The following FHOD3 variants were observed in gnomAD, a reference collection of about 807,000 sequenced individuals.
FHOD3 encodes the protein FH1/FH2 domain-containing protein 3.
Under a neutral mutation model 173.0 loss-of-function variants are expected in FHOD3, and 90 were observed. The observed-to-expected ratio is 0.52, with a 90% confidence interval of 0.44 to 0.62. The LOEUF (loss-of-function observed/expected upper bound fraction) is 0.62. Ranked by LOEUF, FHOD3 falls within the 20% of genes least tolerant of loss-of-function variation. The probability of loss-of-function intolerance (pLI) is 0.00; values close to 1 mark genes in which losing one functional copy is unlikely to be tolerated. For missense variants in FHOD3, 1,945 were observed against 2,034.7 expected (o/e 0.96, Z 0.85); for synonymous variants, 828 against 823.0 (o/e 1.01, Z -0.10).
intron 3 of FHOD3, among the ~76,000 whole-genome samples, chr18:36,485,287 C>T (rs1488720545): frequency 4.6e-5 from 7 of 152,216 alleles, no homozygotes; most frequent in African/African-American, 1.7e-4. Flanking sequence ...ATGGTATGCT[C>T]TTTTCCTTGT....
At position 36,693,406 on chromosome 18, in the gene FHOD3, C is replaced by T; in HGVS notation, c.2219C>T (p.Thr740Ile). The T allele has an allele frequency of 6.2e-7, 1 of 1,613,722 alleles. No homozygotes were observed. The highest frequency in any genetic ancestry group is 1.1e-5 in the South Asian group (1 of 91,000). The change falls in exon 17 of 29, where the codon ACC (threonine) becomes ATC (isoleucine). Residue 740 changes from threonine to isoleucine, a missense_variant. Physicochemically the swap from Thr to Ile is moderately conservative, Grantham distance 89. Transcript: ENST00000590592. ...ACGGTGTCTGCCTCCTCCCCAGGAACCCCTCACCATCCCCAAGGTGAGTAC... is the reference window on the plus strand; with the variant it reads ...ACGGTGTCTGCCTCCTCCCCAGGAATCCCTCACCATCCCCAAGGTGAGTAC... ...ALTVSASSPGTPHHPQASAGD... is the reference protein window; with the variant it reads ...ALTVSASSPGIPHHPQASAGD...
chr18:36,409,786 A>T (rs1301172840), intron 3 of FHOD3, among the ~76,000 whole-genome samples: 1 of 152,184 alleles, frequency 6.6e-6, no homozygotes, highest in Non-Finnish European at 1.5e-5. Flanking sequence ...CTCTGGCAGC[A>T]CAGTGGCAGC....
At chr18:36,703,195 C>T (rs2039684095) in intron 17 of FHOD3, among the ~76,000 whole-genome samples, 2 of 152,086 alleles carry the variant, frequency 1.3e-5, no homozygotes, top group African/African-American at 4.8e-5. Context: ...AGGAGAGAGA[C>T]CAAGGGACAG....
intron 1 of FHOD3, among the ~76,000 whole-genome samples, chr18:36,336,808 A>G (rs1030132724): frequency 2.5e-5 from 3 of 121,428 alleles, no homozygotes. Context: ...AGATTGTGCC[A>G]TTGCACTCCA....
intron 16 of FHOD3, among the ~76,000 whole-genome samples, chr18:36,688,004 C>A (rs941292596): frequency 2.6e-5 from 4 of 152,174 alleles, no homozygotes; most frequent in Admixed American, 2.6e-4. Context: ...AATATTCGAA[C>A]CAGCCTAGGT....
intron 3 of FHOD3, among the ~76,000 whole-genome samples, chr18:36,482,932 G>A (rs1417170707): frequency 6.6e-6 from 1 of 150,852 alleles, no homozygotes; most frequent in Non-Finnish European, 1.5e-5. Flanking sequence ...GGTTTACAAT[G>A]CATGACTCAA....
chr18:36,327,319 A>G (rs2044721583), intron 1 of FHOD3, among the ~76,000 whole-genome samples: 1 of 152,222 alleles, frequency 6.6e-6, no homozygotes, highest in Non-Finnish European at 1.5e-5. Flanking sequence ...TGGCATCTAG[A>G]TGATGCTTGG....
At chr18:36,683,868 C>T (rs545477399) in intron 15 of FHOD3, among the ~76,000 whole-genome samples, 1 of 152,286 alleles carries the variant, frequency 6.6e-6, no homozygotes, top group South Asian at 2.1e-4. Flanking sequence ...CTTTGCTCTC[C>T]TCCTGCTATA....
chr18:36,544,936 T>C (rs746367311), intron 5 of FHOD3, among the ~76,000 whole-genome samples: 1 of 152,240 alleles, frequency 6.6e-6, no homozygotes, highest in Non-Finnish European at 1.5e-5. Flanking sequence ...ATTAAAATCC[T>C]GGGAAAATTA....
intron 6 of FHOD3, among the ~76,000 whole-genome samples, chr18:36,592,223 AAAAT>A (rs1212183233): frequency 1.1e-4 from 17 of 152,212 alleles, no homozygotes; most frequent in Non-Finnish European, 2.2e-4. Context: ...CATCTCAAAA[AAAAT>A]AAATAAATCA....
At chr18:36,411,871 T>C (rs1454913578) in intron 3 of FHOD3, among the ~76,000 whole-genome samples, 2 of 152,254 alleles carry the variant, frequency 1.3e-5, no homozygotes, top group African/African-American at 4.8e-5. Context: ...GAGATTGACC[T>C]GCCCACTGGC....
chr18:36,693,011 A>G (rs2039053389), intron 16 of FHOD3, 198 bp from the exon 17 acceptor site: 1 of 605,900 alleles, frequency 1.7e-6, no homozygotes, highest in Non-Finnish European at 2.9e-6. Context: ...TTGCTTGGTT[A>G]TGAGTGACGT....
At chr18:36,586,781 C>T (rs935818803) in intron 6 of FHOD3, among the ~76,000 whole-genome samples, 6 of 152,044 alleles carry the variant, frequency 3.9e-5, no homozygotes, top group African/African-American at 9.7e-5. Flanking sequence ...TGCCTGGCCG[C>T]GTGTTACATT....
chr18:36,319,727 A>G (rs1461805111), intron 1 of FHOD3, among the ~76,000 whole-genome samples: 3 of 152,212 alleles, frequency 2.0e-5, no homozygotes, highest in Admixed American at 1.3e-4. Context: ...AATTGACCAC[A>G]TAATTGGAAG....
intron 1 of FHOD3, among the ~76,000 whole-genome samples, chr18:36,336,451 T>C (rs545951093): frequency 1.2e-4 from 19 of 152,328 alleles, no homozygotes; most frequent in African/African-American, 4.6e-4. Flanking sequence ...TCATAGATGG[T>C]AATCTGTGAA....
intron 3 of FHOD3, among the ~76,000 whole-genome samples, chr18:36,408,083 G>C (rs779504676): frequency 2.0e-5 from 3 of 152,192 alleles, no homozygotes; most frequent in Non-Finnish European, 4.4e-5. Context: ...CCGCCTTCCA[G>C]AGCCCTTGGG....
intron 3 of FHOD3, among the ~76,000 whole-genome samples, chr18:36,468,186 C>T (rs1220325263): frequency 6.6e-6 from 1 of 152,164 alleles, no homozygotes; most frequent in African/African-American, 2.4e-5. Flanking sequence ...CCCACAGGGA[C>T]CCAGGCTGCT....
intron 17 of FHOD3, among the ~76,000 whole-genome samples, chr18:36,696,619 C>T (rs10502665): frequency 0.13 from 19,200 of 152,196 alleles, 1,556 homozygotes; most frequent in Non-Finnish European, 0.18. Context: ...TCTGCTATAA[C>T]TTTTGTATGA....
intron 5 of FHOD3, chr18:36,544,596 G>A (rs2057345400): frequency 3.3e-5 from 5 of 152,482 alleles, no homozygotes; most frequent in East Asian, 1.9e-4. Flanking sequence ...TTTTGTTGAG[G>A]TGGAGAGGTC....
Sources: allele counts gnomAD v4.1 joint callset (sites outside exome capture counted in the v4.1 genomes callset), GRCh38; gene constraint gnomAD v4.1.1; transcripts MANE v1.5; gene names NCBI Gene and HGNC (gene_info 2026-07-23, HGNC 2026-07-21).